MPP7: variants seen among roughly 807,000 people sequenced by gnomAD.
MPP7 encodes MAGUK p55 scaffold protein 7.
Under a neutral mutation model 76.5 loss-of-function variants are expected in MPP7, and 60 were observed. The observed-to-expected ratio is 0.78, with a 90% CI of 0.64 to 0.97. The LOEUF (loss-of-function observed/expected upper bound fraction) is 0.97, where lower values mean the gene tolerates loss of function less well. MPP7 is among the 50% of genes least tolerant of loss of function. MPP7 has a pLI of 0.00. For synonymous variants in MPP7, 237 were observed against 244.5 expected, an observed-to-expected ratio of 0.97 and a Z score of 0.29; for missense variants, 641 against 694.0, an observed-to-expected ratio of 0.92 and a Z score of 0.86.
chr10:28,239,285 A>G (rs1175871990), intron 1 of MPP7, among the ~76,000 whole-genome samples: 1 of 151,590 alleles, frequency 6.6e-6, no homozygotes, highest in Non-Finnish European at 1.5e-5. Context: ...AGCTGGGACT[A>G]CAGGGGCCCG....
At chr10:28,189,236 C>A (rs1484492473) in intron 3 of MPP7, among the ~76,000 whole-genome samples, 1 of 151,950 alleles carries the variant, frequency 6.6e-6, no homozygotes, top group Non-Finnish European at 1.5e-5. Flanking sequence ...TTATAAGGTA[C>A]CTGTACTACC....
intron 3 of MPP7, among the ~76,000 whole-genome samples, chr10:28,191,960 C>G (rs1837424948): frequency 6.6e-6 from 1 of 152,028 alleles, no homozygotes. Flanking sequence ...CTTATCTCTA[C>G]TAAAAATACA....
At chr10:28,269,701 A>C (rs921551618) in intron 1 of MPP7, among the ~76,000 whole-genome samples, 1 of 151,542 alleles carries the variant, frequency 6.6e-6, no homozygotes, top group Non-Finnish European at 1.5e-5. Context: ...TAATTTTTTT[A>C]AATTTTTTTA....
intron 1 of MPP7, among the ~76,000 whole-genome samples, chr10:28,274,034 CAG>C (rs1440010299): frequency 6.6e-6 from 1 of 151,584 alleles, no homozygotes; most frequent in Non-Finnish European, 1.5e-5. Flanking sequence ...CCAAGGCAAG[CAG>C]ATTGCTTGAG....
At chr10:28,288,510 G>C (rs139569920) in intron 1 of MPP7, among the ~76,000 whole-genome samples, 173 of 152,010 alleles carry the variant, frequency 1.1e-3, no homozygotes, top group African/African-American at 3.8e-3. Context: ...CAAAGTGCTG[G>C]GATTGCAGGA....
intron 3 of MPP7, among the ~76,000 whole-genome samples, chr10:28,166,495 C>G (rs1836466699): frequency 6.6e-6 from 1 of 150,846 alleles, no homozygotes; most frequent in East Asian, 2.0e-4. Context: ...GCAACCTCCA[C>G]CTCCCAGGTT....
chr10:28,127,910 G>A (rs1835070682), intron 6 of MPP7, among the ~76,000 whole-genome samples: 3 of 152,218 alleles, frequency 2.0e-5, no homozygotes, highest in Non-Finnish European at 4.4e-5. Flanking sequence ...GAAGAAGTTA[G>A]CCAATGGGAA....
intron 3 of MPP7, among the ~76,000 whole-genome samples, chr10:28,179,382 T>C (rs1836984884): frequency 6.6e-6 from 1 of 152,194 alleles, no homozygotes; most frequent in African/African-American, 2.4e-5. Flanking sequence ...CCAAGAGTCA[T>C]ATGGTTTAAG....
chr10:28,118,303 A>T (rs1834721823), intron 11 of MPP7: 1 of 980,220 alleles, frequency 1.0e-6, no homozygotes, highest in Non-Finnish European at 1.2e-6. Context: ...ATACATATAC[A>T]CTTATCAAAA....
At chr10:28,182,342 G>A (rs946173095) in intron 3 of MPP7, among the ~76,000 whole-genome samples, 4 of 152,182 alleles carry the variant, frequency 2.6e-5, no homozygotes, top group Non-Finnish European at 5.9e-5. Context: ...TGGATTGGAA[G>A]TTGGCAAAAA....
intron 12 of MPP7, among the ~76,000 whole-genome samples, chr10:28,071,536 C>T (rs1165711173): frequency 6.6e-6 from 1 of 152,052 alleles, no homozygotes; most frequent in Non-Finnish European, 1.5e-5. Context: ...AATAAATATG[C>T]CATAATACCC....
intron 1 of MPP7, among the ~76,000 whole-genome samples, chr10:28,265,488 G>T (rs1840121549): frequency 6.6e-6 from 1 of 151,980 alleles, no homozygotes; most frequent in South Asian, 2.1e-4. Flanking sequence ...GAGTCCAGGG[G>T]GTCAAGAATG....
chr10:28,284,724 A>T (rs2133109277), intron 1 of MPP7, among the ~76,000 whole-genome samples: 1 of 152,358 alleles, frequency 6.6e-6, no homozygotes, highest in Non-Finnish European at 1.5e-5. Context: ...TAACAAATCA[A>T]TGTAACAAGA....
At position 28,053,853 on chromosome 10, in the gene MPP7, A is replaced by C; in HGVS notation, c.*212T>G. ...GAAGGTTTGAGGTTTTGCTTAGAAT[A>C]CAGTACTGTGCATATTTTGATTTCG... On this transcript the variant is annotated 3_prime_UTR_variant, in exon 17 of 17. Coordinates refer to ENST00000683449, the MANE Select transcript of MPP7 (RefSeq NM_001318170.2). 1.7e-6 allele frequency: 1 copy of C among 574,322 alleles called. No individual in the cohort carries two copies. Among genetic ancestry groups the C allele is most frequent in the Non-Finnish European group, 3.1e-6 (1 of 327,686 alleles). 35.6% of individuals were successfully genotyped at this position (574,322 alleles called of 1,614,324 possible).
At chr10:28,213,557 G>A (rs564421410) in intron 2 of MPP7, among the ~76,000 whole-genome samples, 1 of 152,156 alleles carries the variant, frequency 6.6e-6, no homozygotes, top group Admixed American at 6.5e-5. Flanking sequence ...CACTTTGTGA[G>A]GCCAAGGCGG....
chr10:28,323,232 C>T (rs1834382292), intron 2 of MPP7, among the ~76,000 whole-genome samples: 1 of 152,016 alleles, frequency 6.6e-6, no homozygotes, highest in Non-Finnish European at 1.5e-5. Context: ...TTGCAGTGAG[C>T]CAAGATCAGG....
At chr10:28,330,307 A>C (rs1834459695) in intron 1 of MPP7, among the ~76,000 whole-genome samples, 1 of 152,212 alleles carries the variant, frequency 6.6e-6, no homozygotes, top group Non-Finnish European at 1.5e-5. Flanking sequence ...TGGGAGGCTG[A>C]AGGAGAAGGA....
chr10:28,073,458 C>G (rs1852330626), intron 12 of MPP7, among the ~76,000 whole-genome samples: 1 of 152,098 alleles, frequency 6.6e-6, no homozygotes, highest in Admixed American at 6.6e-5. Context: ...TCCAGTGGGT[C>G]TCCCAAAAAA....
chr10:28,060,665 G>C (rs1046146476), intron 13 of MPP7, among the ~76,000 whole-genome samples: 2 of 152,206 alleles, frequency 1.3e-5, no homozygotes, highest in African/African-American at 4.8e-5. Context: ...CTGGTGCAAA[G>C]AACTTGGGAC....
Sources: allele counts gnomAD v4.1 joint callset (sites outside exome capture counted in the v4.1 genomes callset), GRCh38; gene constraint gnomAD v4.1.1; transcripts MANE v1.5; gene names NCBI Gene and HGNC (gene_info 2026-07-23, HGNC 2026-07-21).